NRXN1: variants seen among roughly 807,000 people sequenced by gnomAD.
NRXN1 encodes the protein neurexin 1.
In NRXN1, 39 loss-of-function variants were observed where a neutral mutation model predicts 150.9. The observed-to-expected ratio is 0.26, with a 90% CI of 0.20 to 0.34. The LOEUF (loss-of-function observed/expected upper bound fraction) is 0.34, where lower values mean the gene tolerates loss of function less well. Ranked by LOEUF, NRXN1 falls within the 10% of genes least tolerant of loss-of-function variation. The pLI, the probability that NRXN1 is intolerant of heterozygous loss-of-function variation, is 1.00. For synonymous variants in NRXN1, 924 were observed against 757.0 expected (o/e 1.22, Z -3.62); for missense variants, 1,815 against 1,949.9 (o/e 0.93, Z 1.30).
At chr2:50,113,422 T>C (rs1702632649) in intron 18 of NRXN1, among the ~76,000 whole-genome samples, 1 of 152,216 alleles carries the variant, frequency 6.6e-6, no homozygotes, top group Non-Finnish European at 1.5e-5. Flanking sequence ...TGAAAAATAC[T>C]TTTGAATGAA....
chr2:49,955,879 A>G (rs1022497272), intron 21 of NRXN1, among the ~76,000 whole-genome samples: 5 of 152,098 alleles, frequency 3.3e-5, no homozygotes, highest in African/African-American at 9.7e-5. Flanking sequence ...CCATTCATTC[A>G]TTCATCCATT....
intron 5 of NRXN1, among the ~76,000 whole-genome samples, chr2:50,861,209 AG>A (rs1251841121): frequency 2.6e-5 from 4 of 152,022 alleles, no homozygotes; most frequent in Admixed American, 2.0e-4. Flanking sequence ...TAGAGCAGCA[AG>A]GAAGTGCAGA....
chr2:50,522,719 C>CCTTTTTTTTTTTTTTTTTTTTTTTTT lies in NRXN1; in HGVS notation c.2374+5905_2374+5906insAAAAAAAAAAAAAAAAAAAAAAAAAG, dbSNP rs1323306682. The stretch of plus-strand genomic sequence containing the variant: ...TTCCATTTATTCATTTATTTTTATT[C>CCTTTTTTTTTTTTTTTTTTTTTTTTT]ATTTTTTTTTTTTTTTTTTTTTTTT... On this transcript the variant is annotated intron_variant, in intron 12 of 22. Transcript: ENST00000401669. Among the ~76,000 whole-genome samples, 14 of 86,556 alleles carry CCTTTTTTTTTTTTTTTTTTTTTTTTT rather than the reference C, an allele frequency of 1.6e-4. 4 individuals are homozygous for CCTTTTTTTTTTTTTTTTTTTTTTTTT. The highest frequency in any genetic ancestry group is 3.0e-4 in the African/African-American group (5 of 16,774). The allele number at this position is 86,556 out of a possible 152,430, so 56.8% of individuals were successfully genotyped here.
chr2:50,963,956 A>C, intron 2 of NRXN1: 1 of 440,492 alleles, frequency 2.3e-6, no homozygotes, highest in South Asian at 1.6e-5. Context: ...TTTGAGCTCA[A>C]ATAATACAAA....
intron 5 of NRXN1, among the ~76,000 whole-genome samples, chr2:50,668,781 G>A (rs1688426221): frequency 1.3e-5 from 2 of 151,920 alleles, no homozygotes; most frequent in South Asian, 4.1e-4. Context: ...TCAGTTTTGT[G>A]CCTTAGAGAT....
At chr2:49,937,950 C>T (rs1432382162) in intron 22 of NRXN1, among the ~76,000 whole-genome samples, 1 of 152,050 alleles carries the variant, frequency 6.6e-6, no homozygotes, top group Non-Finnish European at 1.5e-5. Flanking sequence ...TATCTTTATT[C>T]CTAATGTGTT....
chr2:49,991,889 T>C (rs544470871), intron 21 of NRXN1, among the ~76,000 whole-genome samples: 1 of 152,162 alleles, frequency 6.6e-6, no homozygotes, highest in Non-Finnish European at 1.5e-5. Flanking sequence ...AATGAAGGAA[T>C]AGGCAAATAG....
Position 50,623,435 on chromosome 2 carries a change from C to G in NRXN1, c.1013G>C (p.Gly338Ala). ...CAAATTAATGACCAGAGAGACAGCT[C>G]CATTTTTCAGGGCAAGATTGACATA... ...ADYVNLALKNGAVSLVINLGS... is the reference protein window; with the variant it reads ...ADYVNLALKNAAVSLVINLGS... Residue 338 changes from glycine to alanine, a missense_variant, in exon 6 of 23, where the codon GGA becomes GCA. This residue lies in a region of NRXN1 where 554 missense variants were observed against 478.8 expected (regional missense o/e 1.16). Transcript: ENST00000401669. 1.2e-6 allele frequency: 2 copies of G among 1,613,444 alleles called. No homozygotes were observed. Among genetic ancestry groups the G allele is most frequent in the Non-Finnish European group, 1.7e-6 (2 of 1,179,534 alleles).
At chr2:50,793,957 T>C (rs995211387) in intron 5 of NRXN1, among the ~76,000 whole-genome samples, 1 of 152,074 alleles carries the variant, frequency 6.6e-6, no homozygotes, top group Non-Finnish European at 1.5e-5. Flanking sequence ...TTGACAATGT[T>C]TGTAGACATT....
chr2:49,984,611 C>T (rs1176353816), intron 21 of NRXN1, among the ~76,000 whole-genome samples: 1 of 151,790 alleles, frequency 6.6e-6, no homozygotes, highest in Non-Finnish European at 1.5e-5. Flanking sequence ...CTGTATTGGG[C>T]CATTTCTTTA....
intron 5 of NRXN1, among the ~76,000 whole-genome samples, chr2:50,626,641 T>C (rs1344164803): frequency 6.6e-6 from 1 of 151,950 alleles, no homozygotes; most frequent in Non-Finnish European, 1.5e-5. Context: ...CCCGATTTAA[T>C]TTAGAGAGGC....
chr2:50,471,071 T>C (rs2104694734), intron 16 of NRXN1, among the ~76,000 whole-genome samples: 1 of 152,002 alleles, frequency 6.6e-6, no homozygotes, highest in Middle Eastern at 3.4e-3. Context: ...TTATATGCTA[T>C]TGGATATAGA....
At chr2:50,030,945 A>G (rs1287029644) in intron 21 of NRXN1, among the ~76,000 whole-genome samples, 1 of 152,100 alleles carries the variant, frequency 6.6e-6, no homozygotes, top group East Asian at 1.9e-4. Context: ...GTTTGTATAT[A>G]TACTTTCAGG....
chr2:50,271,481 A>T (rs550676453), intron 17 of NRXN1, among the ~76,000 whole-genome samples: 1 of 152,252 alleles, frequency 6.6e-6, no homozygotes, highest in African/African-American at 2.4e-5. Context: ...TTATTTCCAT[A>T]AAATTCTATT....
intron 5 of NRXN1, among the ~76,000 whole-genome samples, chr2:50,651,620 G>A (rs995883208): frequency 6.6e-6 from 1 of 151,952 alleles, no homozygotes; most frequent in African/African-American, 2.4e-5. Flanking sequence ...AACATGCACT[G>A]CACTCCGGCC....
intron 5 of NRXN1, among the ~76,000 whole-genome samples, chr2:50,693,319 G>C (rs1692334453): frequency 6.6e-6 from 1 of 152,152 alleles, no homozygotes; most frequent in Non-Finnish European, 1.5e-5. Context: ...GGTAGACTGA[G>C]GTGCCAAGAT....
intron 18 of NRXN1, among the ~76,000 whole-genome samples, chr2:50,150,009 G>T (rs2058603230): frequency 6.6e-6 from 1 of 151,644 alleles, no homozygotes; most frequent in Non-Finnish European, 1.5e-5. Flanking sequence ...TTTAAATTTG[G>T]TCCAAGACTT....
intron 13 of NRXN1, 119 bp downstream of exon 13, chr2:50,506,376 A>G (rs1325324569): frequency 1.2e-6 from 1 of 832,084 alleles, no homozygotes; most frequent in Non-Finnish European, 1.7e-6. Context: ...AATAGAATAA[A>G]AATGGATTGT....
chr2:50,177,145 T>C (rs1375078871), intron 18 of NRXN1, among the ~76,000 whole-genome samples: 1 of 152,120 alleles, frequency 6.6e-6, no homozygotes, highest in East Asian at 1.9e-4. Flanking sequence ...CATGTGCTTG[T>C]TACATGGATA....
Sources: gnomAD v4.1 joint callset for allele counts (sites outside exome capture counted in the v4.1 genomes callset) on GRCh38, gnomAD v4.1.1 for gene constraint, gnomAD v4.1.1 regional missense constraint, MANE v1.5 for transcripts, NCBI Gene and HGNC (gene_info 2026-07-23, HGNC 2026-07-21) for gene names.